NSF: variants seen among roughly 807,000 people sequenced by gnomAD.
NSF encodes the protein vesicle-fusing ATPase.
A neutral mutation model predicts 50.3 loss-of-function variants in NSF; 14 were observed. The ratio of observed to expected loss-of-function variants is 0.28; its 90% CI spans 0.18 to 0.44. The LOEUF is 0.44. Among genes scored for constraint, NSF ranks in the 20% least tolerant of loss-of-function variants. NSF has a pLI of 1.00. For synonymous variants in NSF, 109 were observed against 175.7 expected, an observed-to-expected ratio of 0.62 and a Z score of 3.00; for missense variants, 218 against 504.3, an observed-to-expected ratio of 0.43 and a Z score of 5.44.
intron 9 of NSF, among the ~76,000 whole-genome samples, chr17:46,685,343 G>T (rs1227094858): frequency 6.6e-6 from 1 of 150,560 alleles, no homozygotes; most frequent in Non-Finnish European, 1.5e-5. Flanking sequence ...AGCCTTTTCA[G>T]TTATACCTTT....
intron 18 of NSF, among the ~76,000 whole-genome samples, chr17:46,750,852 A>AG (rs2059175479): frequency 6.6e-6 from 1 of 152,172 alleles, no homozygotes; most frequent in African/African-American, 2.4e-5. Flanking sequence ...GTCAAAAAAA[A>AG]AAAAGCTACA....
At chr17:46,717,981 C>G (rs544759928) in intron 15 of NSF, among the ~76,000 whole-genome samples, 1 of 152,330 alleles carries the variant, frequency 6.6e-6, no homozygotes, top group South Asian at 2.1e-4. Context: ...GCCAGATCTA[C>G]TTGGGGCTAG....
chr17:46,720,720 A>G (rs150558641), intron 15 of NSF, among the ~76,000 whole-genome samples: 13 of 152,328 alleles, frequency 8.5e-5, no homozygotes, highest in African/African-American at 3.1e-4. Context: ...TGAGATTCCT[A>G]CAGTCATCAG....
chr17:46,718,855 A>C (rs1568044091), intron 15 of NSF, among the ~76,000 whole-genome samples: 3 of 152,174 alleles, frequency 2.0e-5, no homozygotes, highest in African/African-American at 7.2e-5. Flanking sequence ...TTTACTTATT[A>C]TTATACATAC....
At chr17:46,722,230 C>G in intron 15 of NSF, 1 of 1,293,176 alleles carries the variant, frequency 7.7e-7, no homozygotes. Flanking sequence ...CGCGAGAGCA[C>G]GTCAAAATCC....
At chr17:46,728,583 G>A (rs1480165532) in intron 16 of NSF, among the ~76,000 whole-genome samples, 2 of 151,908 alleles carry the variant, frequency 1.3e-5, no homozygotes, top group Non-Finnish European at 1.5e-5. Context: ...GGGCAACATA[G>A]CAAGACCCTG....
At chr17:46,724,954 C>G (rs1339955745) in intron 15 of NSF, among the ~76,000 whole-genome samples, 3 of 152,104 alleles carry the variant, frequency 2.0e-5, no homozygotes, top group African/African-American at 7.2e-5. Flanking sequence ...CTTAATATTT[C>G]TACTTGAATT....
At chr17:46,735,439 C>G (rs751680606) in intron 17 of NSF, among the ~76,000 whole-genome samples, 6 of 151,042 alleles carry the variant, frequency 4.0e-5, no homozygotes, top group African/African-American at 1.5e-4. Flanking sequence ...TTCTGTAGAA[C>G]TTACTCTTTG....
At chr17:46,729,456 C>T (rs1266292760) in intron 17 of NSF, among the ~76,000 whole-genome samples, 5 of 151,992 alleles carry the variant, frequency 3.3e-5, no homozygotes, top group Middle Eastern at 3.2e-3. Context: ...GATCTTGATT[C>T]CTGTGTTTGC....
Position 46,713,885 on chromosome 17 carries a change from G to T in NSF, c.1660G>T (p.Ala554Ser). The T allele has an allele frequency of 6.2e-7, 1 of 1,611,980 alleles. No individual in the cohort carries two copies. Among genetic ancestry groups the T allele is most frequent in the Non-Finnish European group, 8.5e-7 (1 of 1,179,376 alleles). Residue 554 changes from alanine to serine, a missense_variant, in exon 15 of 21, where the codon GCA becomes TCA. By Grantham distance (99) the Ala-to-Ser change is moderately conservative. Around this residue, in one of 2 missense-constraint regions of NSF, gnomAD observed 209 missense variants for 320.9 expected, o/e 0.65. Coordinates refer to ENST00000398238, the MANE Select transcript of NSF (RefSeq NM_006178.4). ...TCACAGTGGGAAGACTGCTTTAGCTGCAAAAATTGCAGAGGAATCCAACTT... is the reference window on the plus strand; with the variant it reads ...TCACAGTGGGAAGACTGCTTTAGCTTCAAAAATTGCAGAGGAATCCAACTT... ...PPHSGKTALA[A>S]KIAEESNFPF...
intron 17 of NSF, among the ~76,000 whole-genome samples, chr17:46,731,605 A>G (rs1322901639): frequency 6.6e-6 from 1 of 152,202 alleles, no homozygotes; most frequent in Admixed American, 6.5e-5. Context: ...TACGTGGCCC[A>G]GCTTGGGAGA....
At chr17:46,726,715 C>A in intron 16 of NSF, 100 bp downstream of exon 16, 1 of 1,011,380 alleles carries the variant, frequency 9.9e-7, no homozygotes, top group Non-Finnish European at 1.6e-6. Context: ...AACTGTAAAG[C>A]AATAGAAATA....
chr17:46,755,212 G>T, intron 19 of NSF, 102 bp from the exon 20 acceptor site: 3 of 807,802 alleles, frequency 3.7e-6, no homozygotes, highest in Admixed American at 1.9e-5. Context: ...ACCTAGCAGA[G>T]CATTGATGAA....
chr17:46,753,637 C>T (rs538373013), intron 19 of NSF, among the ~76,000 whole-genome samples: 57 of 151,588 alleles, frequency 3.8e-4, no homozygotes, highest in Non-Finnish European at 7.5e-4. Flanking sequence ...ATAGAAGAAA[C>T]TATGTGGATT....
intron 19 of NSF, among the ~76,000 whole-genome samples, chr17:46,754,858 A>G (rs995977413): frequency 1.3e-5 from 2 of 152,362 alleles, no homozygotes; most frequent in Non-Finnish European, 2.9e-5. Flanking sequence ...GAAAAGCTAC[A>G]TGGTTGGTTA....
intron 16 of NSF, among the ~76,000 whole-genome samples, chr17:46,728,324 A>G (rs1275100846): frequency 1.3e-5 from 2 of 152,206 alleles, no homozygotes; most frequent in African/African-American, 2.4e-5. Context: ...ATGTTTTAAT[A>G]TCAGTGTACT....
intron 19 of NSF, 26 bp downstream of exon 19, chr17:46,751,642 C>T (rs772797553): frequency 1.4e-6 from 2 of 1,456,022 alleles, no homozygotes; most frequent in South Asian, 1.2e-5. Flanking sequence ...CTCCGTATGA[C>T]TCAGACAGAA....
intron 15 of NSF, among the ~76,000 whole-genome samples, chr17:46,725,676 T>C (rs1231272358): frequency 6.6e-6 from 1 of 152,140 alleles, no homozygotes; most frequent in Non-Finnish European, 1.5e-5. Flanking sequence ...AAGGAATATA[T>C]GCCATTCCAA....
intron 17 of NSF, among the ~76,000 whole-genome samples, chr17:46,739,728 T>TC (rs71138548): frequency 1.3e-4 from 19 of 144,634 alleles, no homozygotes; most frequent in African/African-American, 4.6e-4. Flanking sequence ...GTTCTTTTTT[T>TC]CTGATTTTTT....
Sources: gnomAD v4.1 joint callset for allele counts (sites outside exome capture counted in the v4.1 genomes callset) on GRCh38, gnomAD v4.1.1 for gene constraint, gnomAD v4.1.1 regional missense constraint, MANE v1.5 for transcripts, NCBI Gene and HGNC (gene_info 2026-07-23, HGNC 2026-07-21) for gene names.